Variants in KANK1 observed in about 807,000 individuals in gnomAD.
KANK1 encodes the protein KN motif and ankyrin repeat domains 1, also known as KN motif and ankyrin repeat domain-containing protein 1.
A neutral mutation model predicts 106.2 loss-of-function variants in KANK1; 109 were observed. That is an observed-to-expected ratio of 1.03 (90% CI 0.88 to 1.20). KANK1 has a LOEUF of 1.20. Among genes scored for constraint, KANK1 ranks in the 50% most tolerant of loss-of-function variants. KANK1 has a pLI of 0.00. For synonymous variants in KANK1, 873 were observed against 652.2 expected (o/e 1.34, Z -5.16); for missense variants, 2,399 against 1,710.7 (o/e 1.40, Z -7.10).
At chr9:661,703 G>A (rs1464690353) in intron 1 of KANK1, among the ~76,000 whole-genome samples, 1 of 152,142 alleles carries the variant, frequency 6.6e-6, no homozygotes, top group Admixed American at 6.5e-5. Context: ...TCACCACACT[G>A]TCTTTTACAA....
chr9:560,097 G>C (rs1432756075), intron 1 of KANK1, among the ~76,000 whole-genome samples: 2 of 152,198 alleles, frequency 1.3e-5, no homozygotes, highest in Non-Finnish European at 2.9e-5. Context: ...GAGAAGAAGG[G>C]ATAGTTTGTG....
At position 742,383 on chromosome 9, in the gene KANK1, G is replaced by A; in HGVS notation, c.3875G>A (p.Cys1292Tyr). 1 of 1,613,724 alleles carries A rather than the reference G, an allele frequency of 6.2e-7. No individual in the cohort carries two copies. The highest frequency in any genetic ancestry group is 8.5e-7 in the Non-Finnish European group (1 of 1,179,848). ...IVKLLLAQPG[C>Y]NGHLEDNDGS... ...AAGCTGCTGCTGGCCCAGCCCGGCT[G>A]CAACGGTCACCTAGAGGACAACGTA... Residue 1292 changes from cysteine (C) to tyrosine (Y), a missense_variant, in exon 10 of 12, where the codon TGC (cysteine) becomes TAC (tyrosine). Transcript: ENST00000382297.
At chr9:564,700 C>T (rs546935655) in intron 1 of KANK1, among the ~76,000 whole-genome samples, 12 of 152,270 alleles carry the variant, frequency 7.9e-5, no homozygotes, top group Admixed American at 3.3e-4. Flanking sequence ...TCTTTGCAGC[C>T]GCTCTTCCAC....
At chr9:667,973 C>T (rs139243414) in intron 1 of KANK1, among the ~76,000 whole-genome samples, 83 of 152,224 alleles carry the variant, frequency 5.5e-4, no homozygotes, top group African/African-American at 1.9e-3. Context: ...TCAGATGATC[C>T]ACCCACCTCA....
chr9:742,442 T>TG (rs755821205), intron 10 of KANK1, 37 bp downstream of exon 10: 65 of 1,535,486 alleles, frequency 4.2e-5, no homozygotes, highest in Non-Finnish European at 5.5e-5. Context: ...GCCAGGGGTC[T>TG]GGGGGACTCT....
At chr9:635,715 T>TTTTTTTG (rs1488932154) in intron 1 of KANK1, among the ~76,000 whole-genome samples, 4 of 146,090 alleles carry the variant, frequency 2.7e-5, no homozygotes, top group Non-Finnish European at 6.1e-5. Context: ...TTTTTTTTTT[T>TTTTTTTG]TGAGACGGAG....
At chr9:584,988 G>A (rs7042556) in intron 1 of KANK1, among the ~76,000 whole-genome samples, 5,666 of 152,188 alleles carry the variant, frequency 0.037, 322 homozygotes, top group African/African-American at 0.12. Context: ...CTGCCCTTAG[G>A]GGTCATGAGT....
chr9:730,499 C>T, intron 4 of KANK1: 3 of 449,468 alleles, frequency 6.7e-6, no homozygotes, highest in South Asian at 6.3e-5. Flanking sequence ...CGAGACCAGC[C>T]TGGCCAACAT....
intron 1 of KANK1, among the ~76,000 whole-genome samples, chr9:562,766 T>C (rs776908157): frequency 6.6e-5 from 10 of 152,224 alleles, no homozygotes; most frequent in Non-Finnish European, 1.3e-4. Context: ...TTTAAAGCTT[T>C]CTAATGGATG....
chr9:666,110 A>C (rs1844500719), intron 1 of KANK1, among the ~76,000 whole-genome samples: 1 of 152,122 alleles, frequency 6.6e-6, no homozygotes, highest in East Asian at 1.9e-4. Flanking sequence ...GAGACCAAGA[A>C]ATCAAGACTG....
At chr9:579,400 C>A (rs994092406) in intron 1 of KANK1, among the ~76,000 whole-genome samples, 1 of 152,130 alleles carries the variant, frequency 6.6e-6, no homozygotes, top group Admixed American at 6.5e-5. Context: ...ACCTAAGAAT[C>A]AAAAATAGAA....
At chr9:490,020 C>G (rs1044671979) in intron 3 of KANK1, among the ~76,000 whole-genome samples, 31 of 152,122 alleles carry the variant, frequency 2.0e-4, no homozygotes, top group African/African-American at 6.3e-4. Flanking sequence ...GCTTAACTGA[C>G]TTTTTTGACG....
At chr9:532,086 T>C (rs943930245) in intron 1 of KANK1, among the ~76,000 whole-genome samples, 2 of 152,216 alleles carry the variant, frequency 1.3e-5, no homozygotes, top group African/African-American at 4.8e-5. Flanking sequence ...AAATCGTCTG[T>C]GGGCCACTCT....
intron 3 of KANK1, among the ~76,000 whole-genome samples, chr9:494,289 C>T (rs1564122030): frequency 1.3e-5 from 2 of 152,204 alleles, no homozygotes; most frequent in Non-Finnish European, 2.9e-5. Context: ...TGGTAGTTTA[C>T]AAGCATTCAT....
chr9:529,122 A>G (rs1277349519), intron 1 of KANK1, among the ~76,000 whole-genome samples: 1 of 150,922 alleles, frequency 6.6e-6, no homozygotes, highest in Non-Finnish European at 1.5e-5. Context: ...TAAAAGATGT[A>G]AAAGGTGTAT....
intron 2 of KANK1, among the ~76,000 whole-genome samples, chr9:706,267 T>C (rs752783388): frequency 6.6e-6 from 1 of 152,242 alleles, no homozygotes; most frequent in Non-Finnish European, 1.5e-5. Flanking sequence ...TAACCTCTTC[T>C]GATTCCCAGA....
intron 2 of KANK1, among the ~76,000 whole-genome samples, chr9:704,992 CAAAAAA>C (rs71314728): frequency 5.7e-5 from 3 of 53,092 alleles, no homozygotes; most frequent in Admixed American, 5.6e-4. Flanking sequence ...GACCCTGTCT[CAAAAAA>C]AAAAAAAAAA....
intron 2 of KANK1, chr9:686,915 T>C (rs1435030564): frequency 4.1e-6 from 4 of 985,006 alleles, no homozygotes; most frequent in Non-Finnish European, 4.8e-6. Flanking sequence ...AAACATCTTC[T>C]AGAAAGGTAA....
At chr9:497,266 G>A (rs1457443100) in intron 3 of KANK1, among the ~76,000 whole-genome samples, 1 of 152,174 alleles carries the variant, frequency 6.6e-6, no homozygotes, top group Non-Finnish European at 1.5e-5. Context: ...CCATGGGCAA[G>A]GGTGAGGGAA....
Sources: allele counts gnomAD v4.1 joint callset (sites outside exome capture counted in the v4.1 genomes callset), GRCh38; gene constraint gnomAD v4.1.1; transcripts MANE v1.5; gene names NCBI Gene and HGNC (gene_info 2026-07-23, HGNC 2026-07-21).